The following FAT1 variants were observed in gnomAD, a reference collection of about 807,000 sequenced individuals.
The protein encoded by FAT1 is protocadherin Fat 1.
In FAT1, 171 loss-of-function variants were observed where a neutral mutation model predicts 329.8. The observed-to-expected ratio is 0.52, with a 90% CI of 0.46 to 0.59. The LOEUF is 0.59. FAT1 is among the 20% of genes least tolerant of loss of function. The probability of loss-of-function intolerance (pLI) is 0.00; values close to 1 mark genes in which losing one functional copy is unlikely to be tolerated. For missense variants in FAT1, 5,672 were observed against 5,774.4 expected (o/e 0.98, Z 0.57); for synonymous variants, 2,233 against 2,228.6 (o/e 1.00, Z -0.06).
At chr4:186,634,448 T>C (rs1298254792) in intron 6 of FAT1, among the ~76,000 whole-genome samples, 1 of 152,016 alleles carries the variant, frequency 6.6e-6, no homozygotes, top group Non-Finnish European at 1.5e-5. Flanking sequence ...TGAAATGGGA[T>C]GAAAATAGAG....
chr4:186,667,491 G>T (rs1742510364), intron 2 of FAT1, among the ~76,000 whole-genome samples: 1 of 152,170 alleles, frequency 6.6e-6, no homozygotes, highest in Admixed American at 6.5e-5. Flanking sequence ...CTTTTATAAT[G>T]CCTATCGTGA....
intron 1 of FAT1, among the ~76,000 whole-genome samples, chr4:186,714,829 C>T (rs751283179): frequency 2.0e-5 from 3 of 152,198 alleles, no homozygotes; most frequent in African/African-American, 2.4e-5. Flanking sequence ...CCTGTAATCC[C>T]AGCACTTCGG....
At chr4:186,686,541 T>C (rs543867513) in intron 2 of FAT1, among the ~76,000 whole-genome samples, 1 of 152,234 alleles carries the variant, frequency 6.6e-6, no homozygotes, top group Non-Finnish European at 1.5e-5. Context: ...CTCATTTTAA[T>C]ATTTAATTAT....
At chr4:186,710,737 G>C (rs1005033969) in intron 1 of FAT1, among the ~76,000 whole-genome samples, 5 of 152,140 alleles carry the variant, frequency 3.3e-5, no homozygotes, top group African/African-American at 1.2e-4. Flanking sequence ...GCCCCTCCAT[G>C]AGAAGATGAC....
Position 186,708,907 on chromosome 4 carries a change from C to A in FAT1, c.921G>T (p.Arg307Ser), listed in dbSNP as rs781203125. 6.2e-7 allele frequency: 1 copy of A among 1,613,958 alleles called. No individual in the cohort carries two copies. Among genetic ancestry groups the A allele is most frequent in the Non-Finnish European group, 8.5e-7 (1 of 1,179,872 alleles). The stretch of plus-strand genomic sequence containing the variant: ...TATACTCCTTACTCCCTGGAAAGGA[C>A]CTCACTGTTCTAAACTGCTGGAGAA... ...GDLLQQFRTV[R>S]SFPGSKEYKV... The change falls in exon 2 of 27, where the codon AGG (arginine) becomes AGT (serine). Residue 307 changes from arginine to serine, a missense_variant. By Grantham distance (110) the Arg-to-Ser change is moderately radical (BLOSUM62 -1). Transcript: ENST00000441802.
chr4:186,708,813 T>A lies in FAT1; in HGVS notation c.1015A>T (p.Lys339Ter), dbSNP rs1744787511. The A allele has an allele frequency of 6.2e-7, 1 of 1,613,848 alleles. No individual in the cohort carries two copies. The highest frequency in any genetic ancestry group is 1.3e-5 in the African/African-American group (1 of 74,912). Reference sequence around the variant, plus strand: ...AACTGGGGCGGAGTTCCTTTATCTTTAGCCTGTAGTGTGAGATTGTAGCCG... The same window carrying A: ...AACTGGGGCGGAGTTCCTTTATCTTAAGCCTGTAGTGTGAGATTGTAGCCG... ...PFGYNLTLQA[K>*]DKGTPPQFSS... is the part of the protein sequence containing the mutation. Residue 339 changes from lysine to a stop codon, truncating the protein, a stop_gained, in exon 2 of 27, where the codon AAA (lysine) becomes TAA (stop). Coordinates refer to ENST00000441802, the MANE Select transcript of FAT1 (RefSeq NM_005245.4). LOFTEE classifies it high-confidence loss of function.
At chr4:186,667,286 G>T (rs553319063) in intron 2 of FAT1, among the ~76,000 whole-genome samples, 1 of 152,324 alleles carries the variant, frequency 6.6e-6, no homozygotes, top group Non-Finnish European at 1.5e-5. Context: ...ACAACCAGGG[G>T]GTGGGGGACA....
chr4:186,604,064 CA>C, intron 18 of FAT1, 87 bp from the exon 19 acceptor site: 2 of 1,007,128 alleles, frequency 2.0e-6, no homozygotes. Context: ...CTCAAGTTCC[CA>C]AAAAATTACT....
rs756135303 is a variant in FAT1 at position 186,611,406 on chromosome 4, A to T, written c.9833T>A (p.Phe3278Tyr). The T allele has an allele frequency of 1.2e-6, 2 of 1,612,384 alleles. No homozygotes were observed. The highest frequency in any genetic ancestry group is 1.7e-6 in the Non-Finnish European group (2 of 1,179,070). ...SIISGNEHGK[F>Y]SIDSKTGAVF... ...GTTACCTGTTTTAGAATCTATGCTG[A>T]ATTTCCCATGTTCATTTCCACTTAT... is the stretch of plus-strand genomic sequence containing the variant. Residue 3278 changes from phenylalanine to tyrosine, a missense_variant, in exon 14 of 27, where the codon TTC becomes TAC. By Grantham distance (22) the Phe-to-Tyr change is conservative (BLOSUM62 3). This residue lies in a region of FAT1 where 1,706 missense variants were observed against 1,859.1 expected (regional missense o/e 0.92). Coordinates refer to ENST00000441802, the MANE Select transcript of FAT1 (RefSeq NM_005245.4).
intron 7 of FAT1, among the ~76,000 whole-genome samples, chr4:186,631,763 T>C (rs975285938): frequency 1.3e-5 from 2 of 152,028 alleles, no homozygotes; most frequent in African/African-American, 4.8e-5. Context: ...ATCCCCACAG[T>C]ATCCTAGTGT....
intron 9 of FAT1, among the ~76,000 whole-genome samples, chr4:186,622,301 G>A (rs1740083966): frequency 6.6e-6 from 1 of 152,246 alleles, no homozygotes; most frequent in Non-Finnish European, 1.5e-5. Context: ...AGGTTTTGAA[G>A]ATTGCAACAA....
intron 2 of FAT1, among the ~76,000 whole-genome samples, chr4:186,671,803 CGTGTGTGTGTGTG>C (rs943519354): frequency 4.6e-5 from 7 of 151,642 alleles, no homozygotes; most frequent in Non-Finnish European, 7.4e-5. Flanking sequence ...TACAGTAGAT[CGTGTGTGTGTGTG>C]GTGTGTGTGT....
chr4:186,615,888 T>TA (rs1328169276), intron 11 of FAT1, among the ~76,000 whole-genome samples: 2 of 152,178 alleles, frequency 1.3e-5, no homozygotes, highest in Non-Finnish European at 2.9e-5. Flanking sequence ...TCTCAATGTC[T>TA]AAAAAACATG....
chr4:186,703,845 C>T (rs765241503), intron 2 of FAT1, among the ~76,000 whole-genome samples: 1 of 152,198 alleles, frequency 6.6e-6, no homozygotes, highest in South Asian at 2.1e-4. Context: ...CCTTCATGCC[C>T]TAGAAATTAG....
Position 186,611,079 on chromosome 4 carries a change from C to T in FAT1, c.9853+307G>A, listed in dbSNP as rs995262525. Among the ~76,000 whole-genome samples the T allele has an allele frequency of 5.9e-5, 9 of 152,266 alleles. No homozygotes were observed. The South Asian group carries it at 1.9e-3, about 32-fold the overall frequency. On this transcript the variant is annotated intron_variant, in intron 14 of 26. Coordinates refer to ENST00000441802, the MANE Select transcript of FAT1 (RefSeq NM_005245.4). ...GACCTCTACTATCCCCTATTCTTAT[C>T]TTTACTAACTTGCTATACCTTACAT...
At chr4:186,693,983 C>T (rs1012417058) in intron 2 of FAT1, among the ~76,000 whole-genome samples, 5 of 151,776 alleles carry the variant, frequency 3.3e-5, no homozygotes, top group Non-Finnish European at 5.9e-5. Flanking sequence ...TCAACCTCTC[C>T]CAAACTCAAC....
At position 186,619,211 on chromosome 4, in the gene FAT1, G is replaced by A. The variant is rs2126503278; in HGVS notation, c.7375C>T (p.Pro2459Ser). ...ACTGACAGGTTAAGACTGTAAAATG[G>A]CTTCAGGGCGTGCCGGTGCAGGTTT... ...LSNLHRHALK[P>S]FYSLNLSVSD... Residue 2459 changes from proline to serine, a missense_variant, in exon 10 of 27, where the codon CCA (proline) becomes TCA (serine). Physicochemically the swap from Pro to Ser is moderately conservative, Grantham distance 74 (BLOSUM62 -1). Transcript: ENST00000441802. 6.2e-7 allele frequency: 1 copy of A among 1,613,962 alleles called. No individual in the cohort carries two copies. Among genetic ancestry groups the A allele is most frequent in the Non-Finnish European group, 8.5e-7 (1 of 1,179,900 alleles).
At chr4:186,642,686 G>A (rs796337645) in intron 3 of FAT1, among the ~76,000 whole-genome samples, 2 of 152,196 alleles carry the variant, frequency 1.3e-5, no homozygotes, top group African/African-American at 4.8e-5. Flanking sequence ...AGGGGCTGGC[G>A]GCACCCTGCG....
chr4:186,680,146 T>C (rs187949305), intron 2 of FAT1, among the ~76,000 whole-genome samples: 14 of 152,310 alleles, frequency 9.2e-5, no homozygotes, highest in Non-Finnish European at 1.5e-4. Flanking sequence ...ATTTGACAGA[T>C]GCTCCCTTGA....
Sources: allele counts gnomAD v4.1 joint callset (sites outside exome capture counted in the v4.1 genomes callset), GRCh38; gene constraint gnomAD v4.1.1; regional missense constraint gnomAD v4.1.1; transcripts MANE v1.5; gene names NCBI Gene and HGNC (gene_info 2026-07-23, HGNC 2026-07-21).